EPCAM: variants seen among roughly 807,000 people sequenced by gnomAD.
EPCAM encodes the protein adenocarcinoma-associated antigen.
EPCAM carries 39 observed loss-of-function variants against 40.0 expected under a neutral mutation model. That is an observed-to-expected ratio of 0.98 (90% CI 0.76 to 1.27). The LOEUF (loss-of-function observed/expected upper bound fraction) is 1.27, where lower values mean the gene tolerates loss of function less well. Among genes scored for constraint, EPCAM ranks in the 50% most tolerant of loss-of-function variants. The probability of loss-of-function intolerance (pLI) is 0.00; values close to 1 mark genes in which losing one functional copy is unlikely to be tolerated. For synonymous variants in EPCAM, 168 were observed against 132.3 expected, an observed-to-expected ratio of 1.27 and a Z score of -1.85; for missense variants, 503 against 381.2, an observed-to-expected ratio of 1.32 and a Z score of -2.66.
intron 8 of EPCAM, among the ~76,000 whole-genome samples, chr2:47,385,912 A>C (rs1450913948): frequency 6.6e-6 from 1 of 152,210 alleles, no homozygotes; most frequent in Non-Finnish European, 1.5e-5. Context: ...CTAGAAGACT[A>C]ACCCTGAATT....
At chr2:47,384,626 C>G (rs1047142476) in intron 7 of EPCAM, among the ~76,000 whole-genome samples, 2 of 151,902 alleles carry the variant, frequency 1.3e-5, no homozygotes, top group African/African-American at 4.8e-5. Flanking sequence ...TCATGTTGGC[C>G]AGGCTGGTCT....
chr2:47,379,197 C>T (rs947435792), intron 6 of EPCAM, 143 bp downstream of exon 6: 1 of 662,280 alleles, frequency 1.5e-6, no homozygotes, highest in South Asian at 1.7e-5. Context: ...CTCCCTGTCA[C>T]TCACATGCAT....
At chr2:47,383,759 C>T (rs1410699873) in intron 7 of EPCAM, among the ~76,000 whole-genome samples, 1 of 150,516 alleles carries the variant, frequency 6.6e-6, no homozygotes, top group Non-Finnish European at 1.5e-5. Flanking sequence ...CTCAGCTTCC[C>T]AAGTAGCTGG....
intron 1 of EPCAM, among the ~76,000 whole-genome samples, chr2:47,372,471 C>G (rs749990826): frequency 3.3e-5 from 5 of 151,382 alleles, no homozygotes; most frequent in Non-Finnish European, 7.4e-5. Flanking sequence ...AAACCCGTCT[C>G]TACTAAAAAT....
intron 7 of EPCAM, among the ~76,000 whole-genome samples, chr2:47,382,937 T>C (rs1671631120): frequency 6.6e-6 from 1 of 152,060 alleles, no homozygotes; most frequent in East Asian, 1.9e-4. Flanking sequence ...ATATGATATT[T>C]GTATTAGTGT....
At position 47,372,027 on chromosome 2, in the gene EPCAM, TC is replaced by T. The variant is rs1184904521; in HGVS notation, c.77-1435del. 2.6e-5 allele frequency among the ~76,000 whole-genome samples: 4 copies of T among 152,312 alleles called. No individual in the cohort carries two copies. In the East Asian group the frequency reaches 7.7e-4, roughly 29 times the overall value. Reference sequence around the variant, plus strand: ...AAAGGAATTAGATAGTCTTGCCTATTCGAAGTTAAATGAACTTTTGAGGTTG... The same window carrying T: ...AAAGGAATTAGATAGTCTTGCCTATTGAAGTTAAATGAACTTTTGAGGTTG... On this transcript the variant is annotated intron_variant, in intron 1 of 8. Coordinates refer to ENST00000263735, the MANE Select transcript of EPCAM (RefSeq NM_002354.3).
chr2:47,369,331 C>G lies in EPCAM; in HGVS notation c.-175C>G, dbSNP rs1671150321. 3.8e-6 allele frequency: 5 copies of G among 1,308,226 alleles called. No individual in the cohort carries two copies. Among genetic ancestry groups the G allele is most frequent in the Admixed American group, 3.9e-5 (1 of 25,458 alleles). The allele number at this position is 1,308,226 out of a possible 1,614,324, so 81.0% of individuals were successfully genotyped here. Reference sequence around the variant, plus strand: ...CGCGCACAGAGCGCTAGTCCTTCGGCGAGCGAGCACCTTCGACGCGGTCCG... The same window carrying G: ...CGCGCACAGAGCGCTAGTCCTTCGGGGAGCGAGCACCTTCGACGCGGTCCG... On this transcript the variant is annotated 5_prime_UTR_variant, in exon 1 of 9. Coordinates refer to ENST00000263735, the MANE Select transcript of EPCAM (RefSeq NM_002354.3).
chr2:47,377,174 A>G, intron 5 of EPCAM, 97 bp downstream of exon 5: 2 of 836,062 alleles, frequency 2.4e-6, no homozygotes, highest in South Asian at 1.3e-5. Flanking sequence ...GGTTAAATGC[A>G]CTTACTGGAG....
At chr2:47,376,441 G>A (rs1459082148) in intron 4 of EPCAM, among the ~76,000 whole-genome samples, 1 of 151,716 alleles carries the variant, frequency 6.6e-6, no homozygotes, top group Non-Finnish European at 1.5e-5. Context: ...TGTATTTTTA[G>A]TAGACACGGG....
chr2:47,385,346 G>A, intron 8 of EPCAM, 136 bp downstream of exon 8: 2 of 738,368 alleles, frequency 2.7e-6, no homozygotes, highest in South Asian at 1.5e-5. Flanking sequence ...CTTAGGGACA[G>A]TCTTAGAATG....
chr2:47,372,548 C>T (rs557228827), intron 1 of EPCAM, among the ~76,000 whole-genome samples: 16 of 151,678 alleles, frequency 1.1e-4, no homozygotes, highest in South Asian at 4.2e-4. Context: ...CCGAGGCGGA[C>T]GGATCATGAG....
rs774024869 is a variant in EPCAM at position 47,373,502 on chromosome 2, T to G, written c.116T>G (p.Phe39Cys). 3.1e-6 allele frequency: 5 copies of G among 1,613,690 alleles called. No homozygotes were observed. The highest frequency in any genetic ancestry group is 1.3e-5 in the African/African-American group (1 of 74,910). The change falls in exon 2 of 9, where the codon TTT becomes TGT. Residue 39 changes from phenylalanine (F) to cysteine (C), a missense_variant. Transcript: ENST00000263735. The part of the protein sequence containing the change: ...CENYKLAVNC[F>C]VNNNRQCQCT... The stretch of plus-strand genomic sequence containing the variant: ...AACTACAAGCTGGCCGTAAACTGCT[T>G]TGTGAATAATAATCGTCAATGCCAG...
At chr2:47,369,774 G>A (rs1558432991) in intron 1 of EPCAM, 193 bp downstream of exon 1, 1 of 710,552 alleles carries the variant, frequency 1.4e-6, no homozygotes, top group Non-Finnish European at 2.6e-6. Context: ...GGGCCGTCCC[G>A]GGGAGCAGCC....
intron 7 of EPCAM, among the ~76,000 whole-genome samples, chr2:47,384,891 G>C (rs187586491): frequency 6.6e-6 from 1 of 152,218 alleles, no homozygotes; most frequent in East Asian, 1.9e-4. Flanking sequence ...ATTTGTAGTA[G>C]AGATGGGGTT....
At chr2:47,382,382 G>C (rs1050170254) in intron 7 of EPCAM, among the ~76,000 whole-genome samples, 1 of 152,170 alleles carries the variant, frequency 6.6e-6, no homozygotes, top group Non-Finnish European at 1.5e-5. Flanking sequence ...TTGTATCATA[G>C]CATTGCTTGT....
At chr2:47,369,652 C>T (rs2103738549) in intron 1 of EPCAM, 71 bp downstream of exon 1, 3 of 1,450,630 alleles carry the variant, frequency 2.1e-6, no homozygotes, top group Non-Finnish European at 2.8e-6. Context: ...GGCCCTCGGC[C>T]CCCGAAACGG....
chr2:47,373,878 A>T lies in EPCAM; in HGVS notation c.255A>T (p.Glu85Asp), dbSNP rs569806641. 67 of 1,613,990 alleles carry T rather than the reference A, an allele frequency of 4.2e-5. No individual in the cohort carries two copies. The South Asian group carries it at 6.9e-4, about 17-fold the overall frequency. Residue 85 changes from glutamate to aspartate, a missense_variant, in exon 3 of 9, where the codon GAA (glutamate) becomes GAT (aspartate). Glu to Asp is a conservative substitution (Grantham distance 45). Coordinates refer to ENST00000263735, the MANE Select transcript of EPCAM (RefSeq NM_002354.3). ...GSKLGRRAKPEGALQNNDGLY... is the reference protein window; with the variant it reads ...GSKLGRRAKPDGALQNNDGLY... The stretch of plus-strand genomic sequence containing the variant: ...AACTTGGGAGAAGAGCAAAACCTGA[A>T]GGGGCCCTCCAGAACAATGATGGGC...
chr2:47,379,064 ATCT>A lies in EPCAM; in HGVS notation c.657+15_657+17del, dbSNP rs760977122. The stretch of plus-strand genomic sequence containing the variant: ...TTATTTTGAAAAAGATGTGAGTATC[ATCT>A]TCTTTATTCCTGTGTTCAGGAATGT... On this transcript the variant is annotated intron_variant, in intron 6 of 8. Transcript: ENST00000263735. 4.5e-5 allele frequency: 59 copies of A among 1,324,554 alleles called. No homozygotes were observed. In the African/African-American group the frequency reaches 6.2e-4, roughly 14 times the overall value. 82.1% of individuals were successfully genotyped at this position (1,324,554 alleles called of 1,614,324 possible).
At chr2:47,370,541 C>G (rs1007573427) in intron 1 of EPCAM, among the ~76,000 whole-genome samples, 2 of 151,254 alleles carry the variant, frequency 1.3e-5, no homozygotes, top group Non-Finnish European at 2.9e-5. Flanking sequence ...TCCCAAAGTG[C>G]TGTGATTACA....
Sources: allele counts gnomAD v4.1 joint callset (sites outside exome capture counted in the v4.1 genomes callset), GRCh38; gene constraint gnomAD v4.1.1; transcripts MANE v1.5; gene names NCBI Gene and HGNC (gene_info 2026-07-23, HGNC 2026-07-21).